ANK2: variants seen among roughly 807,000 people sequenced by gnomAD.
ANK2 encodes the protein ankyrin 2, also known as ankyrin-2.
In ANK2, 83 loss-of-function variants were observed where a neutral mutation model predicts 360.5. The observed-to-expected ratio is 0.23, with a 90% CI of 0.19 to 0.28. The LOEUF is 0.28. Ranked by LOEUF, ANK2 falls within the 10% of genes least tolerant of loss-of-function variation. The probability of loss-of-function intolerance (pLI) is 1.00; values close to 1 mark genes in which losing one functional copy is unlikely to be tolerated. For missense variants in ANK2, 4,201 were observed against 4,795.7 expected, an observed-to-expected ratio of 0.88 and a Z score of 3.66; for synonymous variants, 1,740 against 1,759.5, an observed-to-expected ratio of 0.99 and a Z score of 0.28.
At chr4:112,887,416 G>C (rs1368344906) in intron 1 of ANK2, among the ~76,000 whole-genome samples, 1 of 152,208 alleles carries the variant, frequency 6.6e-6, no homozygotes, top group Non-Finnish European at 1.5e-5. Flanking sequence ...CTGTTTGGTA[G>C]GTTAGGTGTA....
At chr4:112,758,691 A>C in the ANK2 span, among the ~76,000 whole-genome samples, 1 of 152,226 alleles carries the variant, frequency 6.6e-6, no homozygotes. Context: ...TTGGGATTAC[A>C]GGTGTGAGCC....
chr4:112,810,182 T>TTG, the ANK2 span, among the ~76,000 whole-genome samples: 39 of 111,764 alleles, frequency 3.5e-4, no homozygotes, highest in African/African-American at 1.3e-3. Flanking sequence ...TTTTTTTTTT[T>TTG]GTAGCAATGG....
chr4:113,287,821 T>G, intron 19 of ANK2, 118 bp downstream of exon 19: 1 of 841,224 alleles, frequency 1.2e-6, no homozygotes, highest in Non-Finnish European at 2.0e-6. Context: ...TTCTGAAATA[T>G]AAACTAATCA....
At position 113,357,462 on chromosome 4, in the gene ANK2, A is replaced by C. The variant is rs1367366663; in HGVS notation, c.8844A>C (p.Ala2948=). ...AAGAAAGCAAAACCCAAACAGATGC[A>C]AATCACACCACAAGTTTTCACTCTT... ...SSEESKTQTD[A]NHTTSFHSSE... Residue 2948 remains alanine, a synonymous_variant, in exon 38 of 46, where the codon GCA becomes GCC. Coordinates refer to ENST00000357077, the MANE Select transcript of ANK2 (RefSeq NM_001148.6). 1 of 1,614,146 alleles carries C rather than the reference A, an allele frequency of 6.2e-7. No homozygotes were observed. Among genetic ancestry groups the C allele is most frequent in the Non-Finnish European group, 8.5e-7 (1 of 1,179,988 alleles).
chr4:113,018,627 A>G (rs1161390857), intron 2 of ANK2, among the ~76,000 whole-genome samples: 1 of 152,190 alleles, frequency 6.6e-6, no homozygotes, highest in Non-Finnish European at 1.5e-5. Flanking sequence ...GAATATACCA[A>G]TTCTAGCACC....
At chr4:112,863,112 C>G (rs1295420883) in intron 1 of ANK2, among the ~76,000 whole-genome samples, 2 of 152,028 alleles carry the variant, frequency 1.3e-5, no homozygotes, top group African/African-American at 4.8e-5. Flanking sequence ...TATTTCTTTC[C>G]CCCAAGCATG....
In ANK2 at chr4:113,330,218, A is replaced by G. The variant is rs372307529; in HGVS notation, c.2901-28A>G. ...TCATCTGCCCCCAATATTTCAAAAC[A>G]TATCTAATCTTCTATTTTAATTTTT... On this transcript the variant is annotated intron_variant, in intron 26 of 45. Transcript: ENST00000357077. 1.8e-5 allele frequency: 29 copies of G among 1,597,622 alleles called. No individual in the cohort carries two copies. The Middle Eastern group carries it at 8.3e-4, about 46-fold the overall frequency.
intron 10 of ANK2, among the ~76,000 whole-genome samples, chr4:113,255,175 T>C (rs1164707051): frequency 6.6e-6 from 1 of 152,222 alleles, no homozygotes; most frequent in East Asian, 1.9e-4. Context: ...CACACTCTTC[T>C]AGCCCTTACC....
chr4:113,307,876 G>A (rs545349648), intron 23 of ANK2, among the ~76,000 whole-genome samples: 9 of 152,250 alleles, frequency 5.9e-5, no homozygotes, highest in Middle Eastern at 3.4e-3. Flanking sequence ...CAGTTTTCAC[G>A]AAATTGCTTG....
At chr4:113,263,187 G>GGAA (rs1554366882) in intron 13 of ANK2, among the ~76,000 whole-genome samples, 9 of 63,630 alleles carry the variant, frequency 1.4e-4, no homozygotes, top group African/African-American at 5.3e-4. Context: ...GACTCTGTCT[G>GGAA]AAAAAAAAAA....
At chr4:113,105,472 C>T (rs994054056) in intron 1 of ANK2, among the ~76,000 whole-genome samples, 12 of 151,796 alleles carry the variant, frequency 7.9e-5, no homozygotes, top group Admixed American at 2.6e-4. Context: ...TTAATTGCTA[C>T]GATAGAAAGA....
At chr4:113,058,203 A>G (rs1178286163) in intron 1 of ANK2, among the ~76,000 whole-genome samples, 1 of 152,146 alleles carries the variant, frequency 6.6e-6, no homozygotes, top group African/African-American at 2.4e-5. Flanking sequence ...ACACATAGTT[A>G]AAGGAATAAA....
chr4:113,314,660 T>G (rs896268836), intron 24 of ANK2, among the ~76,000 whole-genome samples: 3 of 152,224 alleles, frequency 2.0e-5, no homozygotes, highest in African/African-American at 7.2e-5. Context: ...GCTTAAATTA[T>G]TCCAGACCTT....
the ANK2 span, among the ~76,000 whole-genome samples, chr4:112,807,608 G>A: frequency 2.0e-5 from 3 of 152,208 alleles, no homozygotes; most frequent in Admixed American, 6.5e-5. Flanking sequence ...TTTTAAAATA[G>A]GTGGTTTGTG....
chr4:113,301,970 G>A (rs1171832779), intron 22 of ANK2, among the ~76,000 whole-genome samples: 1 of 152,144 alleles, frequency 6.6e-6, no homozygotes, highest in Non-Finnish European at 1.5e-5. Context: ...ACTATTTTTA[G>A]AGCTCTTGCA....
At chr4:112,938,833 A>C (rs544643994) in intron 2 of ANK2, among the ~76,000 whole-genome samples, 6 of 152,354 alleles carry the variant, frequency 3.9e-5, no homozygotes, top group Admixed American at 1.3e-4. Flanking sequence ...CATCACTGAA[A>C]TGTTACCCTA....
chr4:112,755,138 C>T, the ANK2 span, among the ~76,000 whole-genome samples: 362 of 152,248 alleles, frequency 2.4e-3, 1 homozygote, highest in Non-Finnish European at 4.3e-3. Context: ...CCCTCCAATC[C>T]CCTGGGCCCC....
the ANK2 span, among the ~76,000 whole-genome samples, chr4:112,745,110 G>T: frequency 1.3e-5 from 2 of 152,158 alleles, no homozygotes; most frequent in Non-Finnish European, 2.9e-5. Flanking sequence ...TAAGCAGACA[G>T]TCAATTTATC....
chr4:112,922,745 C>A (rs1427727755), intron 2 of ANK2, among the ~76,000 whole-genome samples: 1 of 152,134 alleles, frequency 6.6e-6, no homozygotes, highest in Non-Finnish European at 1.5e-5. Flanking sequence ...AATTCAATCT[C>A]AGTGTTGTAT....
Sources: gnomAD v4.1 joint callset for allele counts (sites outside exome capture counted in the v4.1 genomes callset) on GRCh38, gnomAD v4.1.1 for gene constraint, MANE v1.5 for transcripts, NCBI Gene and HGNC (gene_info 2026-07-23, HGNC 2026-07-21) for gene names.